The following CSTPP1 variants were observed in gnomAD, a reference collection of about 807,000 sequenced individuals.
The protein encoded by CSTPP1 is UPF0705 protein C11orf49.
chr11:47,119,765 C>A, the CSTPP1 span, among the ~76,000 whole-genome samples: 1 of 152,004 alleles, frequency 6.6e-6, no homozygotes, highest in Admixed American at 6.6e-5. Context: ...GCATGCACCA[C>A]CACGCCCAGC....
At chr11:47,048,444 T>A in the CSTPP1 span, among the ~76,000 whole-genome samples, 1 of 151,836 alleles carries the variant, frequency 6.6e-6, no homozygotes, top group Admixed American at 6.6e-5. Flanking sequence ...CTGGGCAACA[T>A]AGGGAGACCC....
At chr11:46,951,263 T>G in the CSTPP1 span, among the ~76,000 whole-genome samples, 1 of 151,894 alleles carries the variant, frequency 6.6e-6, no homozygotes, top group African/African-American at 2.4e-5. Flanking sequence ...CAGTAGAAAA[T>G]TCTACAGAAT....
chr11:47,115,980 C>G, the CSTPP1 span, among the ~76,000 whole-genome samples: 1 of 152,234 alleles, frequency 6.6e-6, no homozygotes. Context: ...CCTCTACACA[C>G]TGCTTTAAAT....
chr11:47,116,623 AGAGACTAG>A, the CSTPP1 span, among the ~76,000 whole-genome samples: 1 of 149,982 alleles, frequency 6.7e-6, no homozygotes, highest in Non-Finnish European at 1.5e-5. Flanking sequence ...CTGTTTTATC[AGAGACTAG>A]GATTGCAATC....
the CSTPP1 span, among the ~76,000 whole-genome samples, chr11:47,017,051 C>T: frequency 6.7e-6 from 1 of 150,096 alleles, no homozygotes; most frequent in African/African-American, 2.5e-5. Context: ...TGAGTTTTCA[C>T]CGTGTTAGCC....
chr11:47,039,143 A>C, the CSTPP1 span, among the ~76,000 whole-genome samples: 2 of 127,328 alleles, frequency 1.6e-5, 1 homozygote, highest in Non-Finnish European at 3.7e-5. Context: ...TTGGGAGGCC[A>C]AGGCAGGCTG....
chr11:47,135,962 T>G, the CSTPP1 span, among the ~76,000 whole-genome samples: 1 of 150,828 alleles, frequency 6.6e-6, no homozygotes, highest in African/African-American at 2.4e-5. Flanking sequence ...AGCATTGTCT[T>G]TCTTAATTAA....
the CSTPP1 span, among the ~76,000 whole-genome samples, chr11:47,093,498 C>T: frequency 2.6e-5 from 4 of 152,184 alleles, no homozygotes; most frequent in Non-Finnish European, 4.4e-5. Flanking sequence ...ACAAAGTCTT[C>T]GGCCACATGG....
chr11:47,027,924 T>A, the CSTPP1 span, among the ~76,000 whole-genome samples: 2 of 90,804 alleles, frequency 2.2e-5, no homozygotes, highest in African/African-American at 4.9e-5. Flanking sequence ...TTCTTTTTTT[T>A]TTCTTTTTTT....
At chr11:47,117,601 A>G in the CSTPP1 span, among the ~76,000 whole-genome samples, 1 of 151,906 alleles carries the variant, frequency 6.6e-6, no homozygotes, top group African/African-American at 2.4e-5. Flanking sequence ...TCTGATAATT[A>G]TGTGTCTTGG....
At chr11:46,957,755 T>C in the CSTPP1 span, among the ~76,000 whole-genome samples, 9 of 152,378 alleles carry the variant, frequency 5.9e-5, no homozygotes, top group East Asian at 9.6e-4. Flanking sequence ...ATTGGACTTA[T>C]GGATTTATGC....
the CSTPP1 span, among the ~76,000 whole-genome samples, chr11:47,011,170 A>G: frequency 2.0e-5 from 3 of 152,228 alleles, no homozygotes; most frequent in Admixed American, 6.5e-5. Context: ...AAAAATATAC[A>G]TTTGTGTCAG....
chr11:47,090,815 G>A, the CSTPP1 span, among the ~76,000 whole-genome samples: 1 of 152,020 alleles, frequency 6.6e-6, no homozygotes, highest in Non-Finnish European at 1.5e-5. Context: ...CGAGGTGGGC[G>A]GAGCACAAGG....
the CSTPP1 span, among the ~76,000 whole-genome samples, chr11:46,939,240 G>A: frequency 1.3e-5 from 2 of 151,406 alleles, no homozygotes; most frequent in Non-Finnish European, 1.5e-5. Context: ...ACAGGCATGC[G>A]CCACCACGCC....
At chr11:47,162,012 G>A in the CSTPP1 span, 2 of 1,013,938 alleles carry the variant, frequency 2.0e-6, no homozygotes, top group African/African-American at 3.4e-5. Context: ...TCCATTAAGG[G>A]GGAGAACCCG....
At chr11:47,024,231 TAA>T in the CSTPP1 span, among the ~76,000 whole-genome samples, 5 of 151,956 alleles carry the variant, frequency 3.3e-5, no homozygotes, top group African/African-American at 1.2e-4. Context: ...GGCAAATGTT[TAA>T]AGATATTTTT....
chr11:47,131,741 C>T, the CSTPP1 span, among the ~76,000 whole-genome samples: 1 of 152,144 alleles, frequency 6.6e-6, no homozygotes, highest in African/African-American at 2.4e-5. Context: ...CTTTGGGAGG[C>T]TGAGGCGGGT....
chr11:46,988,909 G>A, the CSTPP1 span, among the ~76,000 whole-genome samples: 1 of 152,142 alleles, frequency 6.6e-6, no homozygotes, highest in Admixed American at 6.5e-5. Context: ...TCTAGAGGGA[G>A]GATATCTTTC....
At chr11:47,008,170 C>T in the CSTPP1 span, among the ~76,000 whole-genome samples, 2 of 151,976 alleles carry the variant, frequency 1.3e-5, no homozygotes, top group Non-Finnish European at 2.9e-5. Context: ...TTTCACCGTG[C>T]TGGCCAGGCT....
Sources: allele counts gnomAD v4.1 joint callset (sites outside exome capture counted in the v4.1 genomes callset), GRCh38; gene constraint gnomAD v4.1.1; transcripts MANE v1.5; gene names NCBI Gene and HGNC (gene_info 2026-07-23, HGNC 2026-07-21).